MTM1: variants seen among roughly 807,000 people sequenced by gnomAD.
MTM1 encodes myotubularin.
Under a neutral mutation model 52.1 loss-of-function variants are expected in MTM1, and 9 were observed. That is an observed-to-expected ratio of 0.17 (90% CI 0.10 to 0.30). The LOEUF is 0.30. Ranked by LOEUF, MTM1 falls within the 10% of genes least tolerant of loss-of-function variation. MTM1 has a pLI of 1.00. For missense variants in MTM1, 277 were observed against 470.7 expected (o/e 0.59, Z 3.81); for synonymous variants, 136 against 163.8 (o/e 0.83, Z 1.29).
At chrX:150,575,412 AC>A (rs2038453494) in intron 1 of MTM1, among the ~76,000 whole-genome samples, 1 of 112,531 alleles carries the variant, frequency 8.9e-6, no homozygotes, top group Non-Finnish European at 1.9e-5. Flanking sequence ...GTGCAGCACT[AC>A]CAGGAGCGCT....
At chrX:150,606,814 CCCTTCCCTCTCTTCCCTTTCTTCCCTT>C (rs2096875167) in intron 4 of MTM1, among the ~76,000 whole-genome samples, 1 of 105,016 alleles carries the variant, frequency 9.5e-6, no homozygotes, top group Non-Finnish European at 2.0e-5. Context: ...TTCCTTCCCT[CCCTTCCCTCTCTTCCCTTTCTTCCCTT>C]CCTTCCCTCC....
intron 8 of MTM1, among the ~76,000 whole-genome samples, chrX:150,644,694 C>A (rs1344250548): frequency 2.7e-5 from 3 of 111,247 alleles, no homozygotes; most frequent in African/African-American, 9.8e-5. Flanking sequence ...TAAGCTAACA[C>A]GAGCCAGTGT....
chrX:150,627,585 G>A (rs781833741), intron 6 of MTM1, among the ~76,000 whole-genome samples: 15 of 110,899 alleles, frequency 1.4e-4, no homozygotes, highest in Non-Finnish European at 1.9e-4. Context: ...TTTGACTTCC[G>A]AAAGCACATT....
chrX:150,607,073 G>A (rs893675794), intron 4 of MTM1, among the ~76,000 whole-genome samples: 23 of 106,202 alleles, frequency 2.2e-4, no homozygotes, highest in Middle Eastern at 9.5e-3. Context: ...CCACCTCTTG[G>A]GTTCCTTGGG....
chrX:150,603,425 G>A (rs782148710), intron 4 of MTM1, among the ~76,000 whole-genome samples: 2 of 111,912 alleles, frequency 1.8e-5, no homozygotes, highest in Admixed American at 9.5e-5. Context: ...AGGGGCGGGA[G>A]AGACTGAAGT....
At position 150,612,812 on chromosome X, in the gene MTM1, C is replaced by T. The variant is rs782695176; in HGVS notation, c.232-1777C>T. The stretch of plus-strand genomic sequence containing the variant: ...CAGCCTGGCCAACATGGCAAAACCC[C>T]GTCTCTACTAAAAATACAAAAATTA... On this transcript the variant is annotated intron_variant, in intron 4 of 14. Coordinates refer to ENST00000370396, the MANE Select transcript of MTM1 (RefSeq NM_000252.3). Among the ~76,000 whole-genome samples the T allele has an allele frequency of 2.1e-4, 23 of 111,043 alleles. No individual in the cohort carries two copies. The East Asian group carries it at 3.4e-3, about 16-fold the overall frequency.
intron 4 of MTM1, among the ~76,000 whole-genome samples, chrX:150,608,832 T>TGATG (rs1385168262): frequency 2.7e-5 from 3 of 109,319 alleles, no homozygotes; most frequent in East Asian, 2.9e-4. Flanking sequence ...TGATGATGAT[T>TGATG]ATTATTATTA....
chrX:150,629,916 T>G, intron 6 of MTM1, among the ~76,000 whole-genome samples: 1 of 111,453 alleles, frequency 9.0e-6, no homozygotes, highest in Non-Finnish European at 1.9e-5. Context: ...ACCCTAATGG[T>G]AGAGAGCTAT....
At chrX:150,596,415 T>C in intron 2 of MTM1, 83 bp from the exon 3 acceptor site, 1 of 748,847 alleles carries the variant, frequency 1.3e-6, no homozygotes, top group Non-Finnish European at 2.1e-6. Context: ...AAAACATATT[T>C]CTAGTGGCTT....
intron 5 of MTM1, among the ~76,000 whole-genome samples, chrX:150,618,522 G>A (rs2039423784): frequency 9.1e-6 from 1 of 109,972 alleles, no homozygotes; most frequent in South Asian, 4.0e-4. Flanking sequence ...GGGCGTGGTG[G>A]TGCGTTCTGT....
intron 1 of MTM1, among the ~76,000 whole-genome samples, chrX:150,579,636 A>G (rs2038544474): frequency 9.1e-6 from 1 of 109,356 alleles, no homozygotes; most frequent in African/African-American, 3.3e-5. Context: ...GCTGAAGACT[A>G]CAGGTGCATG....
chrX:150,654,072 G>T (rs925177224), intron 10 of MTM1, among the ~76,000 whole-genome samples: 3 of 111,980 alleles, frequency 2.7e-5, no homozygotes, highest in Non-Finnish European at 5.6e-5. Context: ...CTTAACTACC[G>T]TGATGTATAC....
intron 4 of MTM1, among the ~76,000 whole-genome samples, chrX:150,609,384 A>T (rs1396734356): frequency 9.0e-6 from 1 of 111,499 alleles, no homozygotes; most frequent in Non-Finnish European, 1.9e-5. Flanking sequence ...TGGCTTAAGG[A>T]TAGCAGAGAA....
At chrX:150,579,516 G>A (rs1557411793) in intron 1 of MTM1, among the ~76,000 whole-genome samples, 1 of 111,104 alleles carries the variant, frequency 9.0e-6, no homozygotes. Flanking sequence ...AGTTTTTTGA[G>A]ACAGGGTCTT....
At chrX:150,606,922 C>T (rs1473038082) in intron 4 of MTM1, among the ~76,000 whole-genome samples, 3 of 82,868 alleles carry the variant, frequency 3.6e-5, no homozygotes, top group Non-Finnish European at 4.7e-5. Context: ...TCCCTTCCCT[C>T]GGTTCCCTCC....
At chrX:150,662,382 G>T (rs1031255986) in intron 13 of MTM1, among the ~76,000 whole-genome samples, 3 of 111,765 alleles carry the variant, frequency 2.7e-5, no homozygotes, top group Non-Finnish European at 5.6e-5. Flanking sequence ...GGAGTGCTGT[G>T]GCGCGATCAC....
At chrX:150,609,939 C>T (rs1345214944) in intron 4 of MTM1, among the ~76,000 whole-genome samples, 2 of 111,656 alleles carry the variant, frequency 1.8e-5, no homozygotes, top group Non-Finnish European at 3.8e-5. Flanking sequence ...CAGAAGCATC[C>T]TTTAGATCTC....
intron 7 of MTM1, among the ~76,000 whole-genome samples, chrX:150,640,300 A>G (rs1487983300): frequency 8.9e-6 from 1 of 112,076 alleles, no homozygotes; most frequent in East Asian, 2.8e-4. Context: ...GCATGCATAT[A>G]TGAACTGTTG....
intron 6 of MTM1, among the ~76,000 whole-genome samples, chrX:150,638,616 C>T (rs1202287977): frequency 9.0e-6 from 1 of 111,189 alleles, no homozygotes; most frequent in African/African-American, 3.3e-5. Flanking sequence ...TGGCTTGTAC[C>T]TGATCAATTG....
Sources: gnomAD v4.1 joint callset for allele counts (sites outside exome capture counted in the v4.1 genomes callset) on GRCh38, gnomAD v4.1.1 for gene constraint, MANE v1.5 for transcripts, NCBI Gene and HGNC (gene_info 2026-07-23, HGNC 2026-07-21) for gene names.